The following HIVEP2 variants were observed in gnomAD, a reference collection of about 807,000 sequenced individuals.
HIVEP2 encodes transcription factor HIVEP2.
A neutral mutation model predicts 180.7 loss-of-function variants in HIVEP2; 14 were observed. The ratio of observed to expected loss-of-function variants is 0.08; its 90% CI spans 0.05 to 0.12. The LOEUF (loss-of-function observed/expected upper bound fraction) is 0.12, where lower values mean the gene tolerates loss of function less well. Among genes scored for constraint, HIVEP2 ranks in the 10% least tolerant of loss-of-function variants. The pLI is 1.00. For missense variants in HIVEP2, 2,579 were observed against 3,008.5 expected (o/e 0.86, Z 3.34); for synonymous variants, 1,184 against 1,136.4 (o/e 1.04, Z -0.84).
chr6:142,868,970 A>G (rs941531402), intron 1 of HIVEP2, among the ~76,000 whole-genome samples: 1 of 152,186 alleles, frequency 6.6e-6, no homozygotes, highest in Non-Finnish European at 1.5e-5. Context: ...TAGGTTAGGT[A>G]GAAGATTTAA....
intron 1 of HIVEP2, among the ~76,000 whole-genome samples, chr6:142,846,434 C>T (rs898892662): frequency 1.3e-5 from 2 of 152,218 alleles, no homozygotes; most frequent in African/African-American, 4.8e-5. Flanking sequence ...TCCCGGTCCC[C>T]TTAATAGGGC....
intron 1 of HIVEP2, among the ~76,000 whole-genome samples, chr6:142,918,614 T>C (rs1217702063): frequency 6.6e-6 from 1 of 152,206 alleles, no homozygotes; most frequent in Admixed American, 6.5e-5. Flanking sequence ...CAGAACGTGA[T>C]ACCCTGAAGC....
intron 1 of HIVEP2, among the ~76,000 whole-genome samples, chr6:142,855,097 T>G (rs1775784666): frequency 6.6e-6 from 1 of 152,204 alleles, no homozygotes; most frequent in Non-Finnish European, 1.5e-5. Context: ...GGGAATTGGC[T>G]CCAAAGAAAG....
intron 1 of HIVEP2, among the ~76,000 whole-genome samples, chr6:142,853,150 G>A (rs1393416712): frequency 6.6e-6 from 1 of 152,156 alleles, no homozygotes; most frequent in Non-Finnish European, 1.5e-5. Flanking sequence ...ATTTGGCACA[G>A]ATTTGTACAC....
intron 1 of HIVEP2, among the ~76,000 whole-genome samples, chr6:142,892,678 C>A (rs1428251876): frequency 6.6e-6 from 1 of 152,156 alleles, no homozygotes; most frequent in Non-Finnish European, 1.5e-5. Flanking sequence ...AATCATATAT[C>A]CTGTGATATA....
chr6:142,834,719 T>A (rs1283751831), intron 2 of HIVEP2, among the ~76,000 whole-genome samples: 1 of 152,164 alleles, frequency 6.6e-6, no homozygotes, highest in African/African-American at 2.4e-5. Context: ...GGAAGAATAT[T>A]GTGTGGATGA....
At chr6:142,911,984 C>T (rs1323964608) in intron 1 of HIVEP2, among the ~76,000 whole-genome samples, 3 of 152,166 alleles carry the variant, frequency 2.0e-5, no homozygotes, top group Non-Finnish European at 4.4e-5. Flanking sequence ...CAATCAAAGT[C>T]TCTGACTTTG....
At chr6:142,865,224 A>G (rs198668) in intron 1 of HIVEP2, among the ~76,000 whole-genome samples, 123,258 of 152,090 alleles carry the variant, frequency 0.81, 50,386 homozygotes, top group Non-Finnish European at 0.84. Context: ...GAATTTGGAT[A>G]GCTATGTATA....
rs199732192 is a variant in HIVEP2 at position 142,869,198 on chromosome 6, CA to C, written c.-640-32152del. Among the ~76,000 whole-genome samples, 206 of 152,206 alleles carry C rather than the reference CA, an allele frequency of 1.4e-3. 1 individual carries two copies. The East Asian group carries it at 0.039, about 29-fold the overall frequency. ...CAAAGAATTATCTGGAACCAAATGT[CA>C]ACAATGCCAAGGTTGAGAAATCCTG... On this transcript the variant is annotated intron_variant, in intron 1 of 9. Coordinates refer to ENST00000367603, the MANE Select transcript of HIVEP2 (RefSeq NM_006734.4).
At chr6:142,762,495 TAC>T (rs1390383573) in intron 7 of HIVEP2, among the ~76,000 whole-genome samples, 1,327 of 78,578 alleles carry the variant, frequency 0.017, 23 homozygotes, top group African/African-American at 0.051. Context: ...CACACACACA[TAC>T]ATATAAATTA....
chr6:142,838,154 A>G (rs1775273043), intron 1 of HIVEP2, among the ~76,000 whole-genome samples: 1 of 152,120 alleles, frequency 6.6e-6, no homozygotes. Flanking sequence ...GAACAAAACA[A>G]AAGATGTTGC....
intron 2 of HIVEP2, among the ~76,000 whole-genome samples, chr6:142,787,477 T>C (rs969158045): frequency 6.7e-6 from 1 of 149,212 alleles, no homozygotes; most frequent in Non-Finnish European, 1.5e-5. Context: ...TGACTAAAGA[T>C]GGGAGAAGAG....
At chr6:142,845,098 CATT>C (rs1775474379) in intron 1 of HIVEP2, among the ~76,000 whole-genome samples, 1 of 152,154 alleles carries the variant, frequency 6.6e-6, no homozygotes, top group Non-Finnish European at 1.5e-5. Context: ...AACGTGTTCT[CATT>C]ATGAAAACAT....
intron 2 of HIVEP2, among the ~76,000 whole-genome samples, chr6:142,803,441 G>A (rs911773450): frequency 5.9e-5 from 9 of 152,052 alleles, no homozygotes; most frequent in Admixed American, 3.9e-4. Flanking sequence ...GTTAAAAAAA[G>A]ATTTCACCTA....
intron 1 of HIVEP2, among the ~76,000 whole-genome samples, chr6:142,910,169 A>G (rs960207522): frequency 3.3e-5 from 5 of 152,252 alleles, no homozygotes; most frequent in African/African-American, 1.2e-4. Context: ...GCAGTTTGAT[A>G]AAATCATTTC....
At chr6:142,778,535 G>A (rs980374356) in intron 3 of HIVEP2, among the ~76,000 whole-genome samples, 1 of 152,056 alleles carries the variant, frequency 6.6e-6, no homozygotes, top group Non-Finnish European at 1.5e-5. Flanking sequence ...TTTTATCATG[G>A]TATTGATCTA....
rs1167447087 is a variant in HIVEP2, at chr6:142,752,746, CAA to C, written c.*359_*360del. 7 of 201,970 alleles carry C rather than the reference CAA, an allele frequency of 3.5e-5. No individual in the cohort carries two copies. Among genetic ancestry groups the C allele is most frequent in the African/African-American group, 1.6e-4 (7 of 42,496 alleles). The allele number at this position is 201,970 out of a possible 1,614,324, so 12.5% of individuals were successfully genotyped here. On this transcript the variant is annotated 3_prime_UTR_variant, in exon 10 of 10. Coordinates refer to ENST00000367603, the MANE Select transcript of HIVEP2 (RefSeq NM_006734.4). ...TGTTTTGCTTTACATCATTTAGATC[CAA>C]GTGTCCAAAAAAGGAAAGAAATTAC...
intron 1 of HIVEP2, among the ~76,000 whole-genome samples, chr6:142,934,795 A>T (rs1778015315): frequency 6.6e-6 from 1 of 152,200 alleles, no homozygotes; most frequent in Non-Finnish European, 1.5e-5. Flanking sequence ...CTTTGCATGA[A>T]AGGAAACCGT....
At chr6:142,873,733 G>C (rs1163014381) in intron 1 of HIVEP2, among the ~76,000 whole-genome samples, 1 of 151,870 alleles carries the variant, frequency 6.6e-6, no homozygotes, top group Non-Finnish European at 1.5e-5. Flanking sequence ...TTCCTATCCT[G>C]GCCCATGGGA....
Sources: allele counts gnomAD v4.1 joint callset (sites outside exome capture counted in the v4.1 genomes callset), GRCh38; gene constraint gnomAD v4.1.1; transcripts MANE v1.5; gene names NCBI Gene and HGNC (gene_info 2026-07-23, HGNC 2026-07-21).